C2orf80: variants seen among roughly 807,000 people sequenced by gnomAD.
C2orf80 encodes the protein chromosome 2 open reading frame 80.
In C2orf80, 28 loss-of-function variants were observed where a neutral mutation model predicts 30.2. The observed-to-expected ratio is 0.93, with a 90% CI of 0.69 to 1.27. The LOEUF is 1.27. C2orf80 is among the 50% of genes most tolerant of loss of function. C2orf80 has a pLI of 0.00. For synonymous variants in C2orf80, 80 were observed against 76.4 expected, an observed-to-expected ratio of 1.05 and a Z score of -0.24; for missense variants, 220 against 231.0, an observed-to-expected ratio of 0.95 and a Z score of 0.31.
intron 6 of C2orf80, among the ~76,000 whole-genome samples, chr2:208,177,212 A>G (rs1373981304): frequency 6.7e-6 from 1 of 148,372 alleles, no homozygotes; most frequent in East Asian, 1.9e-4. Flanking sequence ...TATAATATAT[A>G]TAATCGAGCC....
intron 3 of C2orf80, 50 bp from the exon 4 acceptor site, chr2:208,183,097 G>A (rs747014559): frequency 1.9e-5 from 28 of 1,463,946 alleles, no homozygotes; most frequent in Non-Finnish European, 2.2e-5. Flanking sequence ...GACATTGGCC[G>A]AAGTACTCCC....
At chr2:208,178,843 C>T (rs926980814) in intron 6 of C2orf80, among the ~76,000 whole-genome samples, 3 of 151,992 alleles carry the variant, frequency 2.0e-5, no homozygotes, top group Admixed American at 2.0e-4. Context: ...CTGCAACGTC[C>T]GTCTTCCGGG....
At chr2:208,172,436 T>G (rs78229233) in intron 6 of C2orf80, among the ~76,000 whole-genome samples, 4,440 of 152,276 alleles carry the variant, frequency 0.029, 90 homozygotes, top group Non-Finnish European at 0.045. Flanking sequence ...TGTATCCTGA[T>G]GTCCTCCCAC....
intron 8 of C2orf80, among the ~76,000 whole-genome samples, chr2:208,166,741 G>A (rs769016100): frequency 6.6e-6 from 1 of 151,734 alleles, no homozygotes; most frequent in Non-Finnish European, 1.5e-5. Context: ...TGCAAGCTCC[G>A]CCTCCTGGGT....
At chr2:208,175,887 A>G (rs1461177420) in intron 6 of C2orf80, among the ~76,000 whole-genome samples, 1 of 152,170 alleles carries the variant, frequency 6.6e-6, no homozygotes, top group Non-Finnish European at 1.5e-5. Flanking sequence ...AAATGTGGCA[A>G]AAGTCCCTGT....
At position 208,178,168 on chromosome 2, in the gene C2orf80, T is replaced by A. The variant is rs542193697; in HGVS notation, c.366+2577A>T. ...TTTATCTGAGCTACTCAGACACCCATGTTTGCAAACCTTCTTGACTGATAA... is the reference window on the plus strand; with the variant it reads ...TTTATCTGAGCTACTCAGACACCCAAGTTTGCAAACCTTCTTGACTGATAA... On this transcript the variant is annotated intron_variant, in intron 6 of 8. Transcript: ENST00000341287. Among the ~76,000 whole-genome samples the A allele has an allele frequency of 1.0e-3, 154 of 152,226 alleles. 2 individuals are homozygous for A. Among genetic ancestry groups the A allele is most frequent in the African/African-American group, 3.6e-3 (151 of 41,544 alleles).
At chr2:208,181,359 C>G in intron 4 of C2orf80, 54 bp from the exon 5 acceptor site, 1 of 1,178,026 alleles carries the variant, frequency 8.5e-7, no homozygotes, top group Non-Finnish European at 1.3e-6. Flanking sequence ...CTTTTTGATG[C>G]CTGCTAAGGT....
At position 208,171,199 on chromosome 2, in the gene C2orf80, G is replaced by A; in HGVS notation, c.455-136C>T. 4 of 653,696 alleles carry A rather than the reference G, an allele frequency of 6.1e-6. No homozygotes were observed. The Admixed American group carries it at 7.9e-5, about 13-fold the overall frequency. 40.5% of individuals were successfully genotyped at this position (653,696 alleles called of 1,614,324 possible). The stretch of plus-strand genomic sequence containing the variant: ...CTCACTTTGTCACTCAGGCTGGAGT[G>A]CAGTGGTTCCATCACGGCTCATTGC... On this transcript the variant is annotated intron_variant, in intron 7 of 8. Coordinates refer to ENST00000341287, the MANE Select transcript of C2orf80 (RefSeq NM_001099334.3).
rs980967930 is a variant in C2orf80 at position 208,172,189 on chromosome 2, T to C, written c.367-114A>G. The C allele has an allele frequency of 4.8e-6, 4 of 839,930 alleles. No homozygotes were observed. In the African/African-American group the frequency reaches 6.7e-5, roughly 14 times the overall value. The allele number at this position is 839,930 out of a possible 1,614,324, so 52.0% of individuals were successfully genotyped here. ...ACTCAGAATCCTTGAGTCCAATTGT[T>C]GAGTACTGTCCAACGGACACACTGT... is the stretch of plus-strand genomic sequence containing the variant. On this transcript the variant is annotated intron_variant, in intron 6 of 8. Transcript: ENST00000341287.
At chr2:208,183,531 C>T (rs1696626400) in intron 3 of C2orf80, among the ~76,000 whole-genome samples, 1 of 152,010 alleles carries the variant, frequency 6.6e-6, no homozygotes, top group South Asian at 2.1e-4. Flanking sequence ...AGTAGAATGT[C>T]AGAAATGTGC....
intron 4 of C2orf80, 110 bp downstream of exon 4, chr2:208,182,855 G>T: frequency 1.1e-6 from 1 of 885,506 alleles, no homozygotes; most frequent in Non-Finnish European, 1.9e-6. Flanking sequence ...ACCCAGTAGT[G>T]TTTTCAAATC....
chr2:208,177,571 T>G (rs899860986), intron 6 of C2orf80, among the ~76,000 whole-genome samples: 1 of 151,590 alleles, frequency 6.6e-6, no homozygotes, highest in Admixed American at 6.6e-5. Context: ...AAACAAAAAC[T>G]AAAACACAAA....
intron 6 of C2orf80, among the ~76,000 whole-genome samples, chr2:208,173,018 C>T (rs530268521): frequency 3.1e-4 from 46 of 149,878 alleles, no homozygotes; most frequent in South Asian, 1.3e-3. Context: ...ACTCGGGAGG[C>T]TGAGGCAGGG....
intron 4 of C2orf80, 44 bp from the exon 5 acceptor site, chr2:208,181,349 C>A: frequency 7.9e-7 from 1 of 1,264,598 alleles, no homozygotes. Flanking sequence ...TATTCTTGTT[C>A]TTTTTGATGC....
chr2:208,167,641 A>T (rs549263939), intron 8 of C2orf80, among the ~76,000 whole-genome samples: 310 of 152,110 alleles, frequency 2.0e-3, no homozygotes, highest in African/African-American at 7.0e-3. Context: ...CGCTGGTGCA[A>T]TCTCGGCTTA....
At chr2:208,171,907 T>C (rs1696111008) in intron 7 of C2orf80, 81 bp downstream of exon 7, 3 of 1,163,754 alleles carry the variant, frequency 2.6e-6, no homozygotes, top group Non-Finnish European at 3.9e-6. Context: ...ATTACAATTT[T>C]GACCTTACCT....
rs530435366 is a variant in C2orf80 at position 208,184,700 on chromosome 2, T to C, written c.123+251A>G. 3.3e-5 allele frequency among the ~76,000 whole-genome samples: 5 copies of C among 152,350 alleles called. No homozygotes were observed. In the South Asian group the frequency reaches 1.0e-3, roughly 32 times the overall value. On this transcript the variant is annotated intron_variant, in intron 3 of 8. Transcript: ENST00000341287. ...CGTAACATTTTGCCTGGCATTAATT[T>C]TGATTTTTAATCTTCTTTCCTAATA... is the stretch of plus-strand genomic sequence containing the variant.
intron 6 of C2orf80, among the ~76,000 whole-genome samples, chr2:208,173,696 A>G (rs6435424): frequency 0.99 from 150,140 of 152,268 alleles, 74,046 homozygotes; most frequent in Middle Eastern, 1. Context: ...ATAGATTAGA[A>G]ATGCATATGT....
At chr2:208,177,110 CA>C (rs1696378006) in intron 6 of C2orf80, among the ~76,000 whole-genome samples, 1 of 110,074 alleles carries the variant, frequency 9.1e-6, no homozygotes, top group Admixed American at 9.8e-5. Context: ...GTATAGTAAT[CA>C]ATGGCTCGAT....
Sources: gnomAD v4.1 joint callset for allele counts (sites outside exome capture counted in the v4.1 genomes callset) on GRCh38, gnomAD v4.1.1 for gene constraint, MANE v1.5 for transcripts, NCBI Gene and HGNC (gene_info 2026-07-23, HGNC 2026-07-21) for gene names.